LRMDA: variants seen among roughly 807,000 people sequenced by gnomAD.
LRMDA encodes leucine-rich melanocyte differentiation-associated protein.
In LRMDA, 18 loss-of-function variants were observed where a neutral mutation model predicts 29.8. The ratio of observed to expected loss-of-function variants is 0.60; its 90% CI spans 0.42 to 0.90. The LOEUF (loss-of-function observed/expected upper bound fraction) is 0.90. LRMDA is among the 40% of genes least tolerant of loss of function. The pLI is 0.00. For synonymous variants in LRMDA, 125 were observed against 109.4 expected, an observed-to-expected ratio of 1.14 and a Z score of -0.89; for missense variants, 273 against 273.9, an observed-to-expected ratio of 1.00 and a Z score of 0.02.
chr10:76,444,208 C>G (rs561192904), intron 6 of LRMDA, among the ~76,000 whole-genome samples: 2 of 152,308 alleles, frequency 1.3e-5, no homozygotes, highest in South Asian at 4.1e-4. Flanking sequence ...TCACTTTCAT[C>G]TAATCTGAAC....
chr10:75,568,754 A>C (rs1226028658), intron 2 of LRMDA, among the ~76,000 whole-genome samples: 1 of 152,234 alleles, frequency 6.6e-6, no homozygotes, highest in African/African-American at 2.4e-5. Context: ...CTTTAAGATG[A>C]CACAATTAAG....
At chr10:75,490,222 A>G (rs1195637285) in intron 2 of LRMDA, among the ~76,000 whole-genome samples, 1 of 152,172 alleles carries the variant, frequency 6.6e-6, no homozygotes, top group Non-Finnish European at 1.5e-5. Context: ...AACCTTTCTG[A>G]ACACATATAA....
intron 2 of LRMDA, among the ~76,000 whole-genome samples, chr10:75,924,069 CAT>C (rs532769921): frequency 1.2e-3 from 180 of 152,338 alleles, no homozygotes; most frequent in African/African-American, 3.8e-3. Context: ...CTGACATTTT[CAT>C]ATGTGTCTCA....
At chr10:76,309,508 G>C (rs1423201772) in intron 5 of LRMDA, among the ~76,000 whole-genome samples, 1 of 152,180 alleles carries the variant, frequency 6.6e-6, no homozygotes, top group Non-Finnish European at 1.5e-5. Flanking sequence ...TTAAAAAAAG[G>C]CATTTAGGAT....
chr10:76,388,282 C>T (rs374144892), intron 6 of LRMDA, among the ~76,000 whole-genome samples: 2 of 152,206 alleles, frequency 1.3e-5, no homozygotes, highest in East Asian at 3.9e-4. Context: ...CTAAAACCAC[C>T]GTTGTATTCA....
intron 2 of LRMDA, among the ~76,000 whole-genome samples, chr10:75,651,591 G>A (rs1841600408): frequency 6.6e-6 from 1 of 152,140 alleles, no homozygotes. Context: ...CGTACTAGGA[G>A]GAGATTTTCA....
At chr10:75,472,399 A>G (rs1253938194) in intron 2 of LRMDA, among the ~76,000 whole-genome samples, 4 of 152,178 alleles carry the variant, frequency 2.6e-5, no homozygotes. Flanking sequence ...GGTGGGATTC[A>G]TTATCCCCTG....
intron 5 of LRMDA, among the ~76,000 whole-genome samples, chr10:76,151,838 T>C (rs901020706): frequency 1.3e-5 from 2 of 152,228 alleles, no homozygotes; most frequent in Non-Finnish European, 2.9e-5. Flanking sequence ...AAAAGATTTG[T>C]TTCTTCCTTT....
At chr10:75,528,847 G>A (rs1013912500) in intron 2 of LRMDA, among the ~76,000 whole-genome samples, 4 of 152,114 alleles carry the variant, frequency 2.6e-5, no homozygotes, top group Non-Finnish European at 5.9e-5. Flanking sequence ...GAGATAAAAC[G>A]AGATAGCATA....
At chr10:76,199,382 C>T (rs1851387965) in intron 5 of LRMDA, among the ~76,000 whole-genome samples, 1 of 152,156 alleles carries the variant, frequency 6.6e-6, no homozygotes, top group Non-Finnish European at 1.5e-5. Flanking sequence ...CCCGTTTCCT[C>T]CATGGACTGG....
intron 6 of LRMDA, among the ~76,000 whole-genome samples, chr10:76,534,443 C>T (rs1305343037): frequency 6.6e-6 from 1 of 152,120 alleles, no homozygotes; most frequent in Non-Finnish European, 1.5e-5. Context: ...TTTCCCTTTC[C>T]ACTGGCCTGA....
rs147644737 is a variant in LRMDA at position 75,805,293 on chromosome 10, C to T, written c.132-230715C>T. 9.6e-4 allele frequency among the ~76,000 whole-genome samples: 146 copies of T among 152,202 alleles called. 4 individuals carry two copies. The East Asian group carries it at 0.025, about 26-fold the overall frequency. On this transcript the variant is annotated intron_variant, in intron 2 of 6. Coordinates refer to ENST00000611255, the MANE Select transcript of LRMDA (RefSeq NM_001305581.2). ...TAATGGTGTTCATCTGAGAGGTCCC[C>T]TGAAGGAATTCAAAGGCCAAGCTGC...
intron 6 of LRMDA, among the ~76,000 whole-genome samples, chr10:76,347,660 G>T (rs1285356167): frequency 6.6e-6 from 1 of 152,134 alleles, no homozygotes. Context: ...CCTTAAATTT[G>T]TGCTATGCTT....
chr10:75,486,522 A>C (rs947733997), intron 2 of LRMDA, among the ~76,000 whole-genome samples: 1 of 152,196 alleles, frequency 6.6e-6, no homozygotes, highest in Admixed American at 6.5e-5. Flanking sequence ...CTGGTAGTGC[A>C]TAGGAGTTGA....
At chr10:76,348,759 G>T (rs1230995901) in intron 6 of LRMDA, among the ~76,000 whole-genome samples, 3 of 152,184 alleles carry the variant, frequency 2.0e-5, no homozygotes, top group Non-Finnish European at 4.4e-5. Context: ...GTGTAGAAAT[G>T]GCAAAGGTCC....
chr10:76,352,815 A>G (rs558086064), intron 6 of LRMDA, among the ~76,000 whole-genome samples: 2 of 152,202 alleles, frequency 1.3e-5, no homozygotes, highest in African/African-American at 4.8e-5. Context: ...GGATGGAATC[A>G]GGGACAGGGG....
At chr10:76,003,611 C>T (rs1847597584) in intron 2 of LRMDA, among the ~76,000 whole-genome samples, 1 of 152,062 alleles carries the variant, frequency 6.6e-6, no homozygotes, top group African/African-American at 2.4e-5. Flanking sequence ...AGTGGCAGGA[C>T]AGGTTGCAGT....
At chr10:76,125,407 A>G (rs1484785190) in intron 5 of LRMDA, among the ~76,000 whole-genome samples, 1 of 152,202 alleles carries the variant, frequency 6.6e-6, no homozygotes, top group Admixed American at 6.5e-5. Flanking sequence ...ATATGATAGT[A>G]TTTATGAGGA....
At chr10:75,524,528 A>AG (rs1257762453) in intron 2 of LRMDA, among the ~76,000 whole-genome samples, 1 of 152,172 alleles carries the variant, frequency 6.6e-6, no homozygotes, top group East Asian at 1.9e-4. Context: ...TGGCATACAT[A>AG]GGAATTAGGC....
Sources: gnomAD v4.1 joint callset for allele counts (sites outside exome capture counted in the v4.1 genomes callset) on GRCh38, gnomAD v4.1.1 for gene constraint, MANE v1.5 for transcripts, NCBI Gene and HGNC (gene_info 2026-07-23, HGNC 2026-07-21) for gene names.